Variants in KIF27 observed in about 807,000 individuals in gnomAD.
KIF27 encodes the protein kinesin family member 27.
Under a neutral mutation model 141.8 loss-of-function variants are expected in KIF27, and 84 were observed. The observed-to-expected ratio is 0.59, with a 90% CI of 0.50 to 0.71. The LOEUF (loss-of-function observed/expected upper bound fraction) is 0.71, where lower values mean the gene tolerates loss of function less well. KIF27 is among the 30% of genes least tolerant of loss of function. The pLI, the probability that KIF27 is intolerant of heterozygous loss-of-function variation, is 0.00. For missense variants in KIF27, 1,306 were observed against 1,628.4 expected (o/e 0.80, Z 3.41); for synonymous variants, 471 against 569.5 (o/e 0.83, Z 2.46).
chr9:83,889,901 T>G (rs192767719), intron 6 of KIF27, among the ~76,000 whole-genome samples: 1 of 152,306 alleles, frequency 6.6e-6, no homozygotes, highest in African/African-American at 2.4e-5. Flanking sequence ...GAAATGCACT[T>G]TAAATTCTCA....
intron 2 of KIF27, among the ~76,000 whole-genome samples, chr9:83,914,527 GAA>G (rs1390316474): frequency 1.3e-5 from 2 of 151,838 alleles, no homozygotes; most frequent in Middle Eastern, 3.4e-3. Context: ...AACAGCTAGA[GAA>G]AAAAGTTTCT....
intron 14 of KIF27, 145 bp from the exon 15 acceptor site, chr9:83,853,980 C>G (rs751379277): frequency 1.6e-6 from 1 of 634,792 alleles, no homozygotes; most frequent in African/African-American, 1.8e-5. Flanking sequence ...TGAGCGCTTG[C>G]TATGCCACAT....
intron 3 of KIF27, among the ~76,000 whole-genome samples, chr9:83,905,924 T>C (rs1954474246): frequency 6.6e-6 from 1 of 152,252 alleles, no homozygotes; most frequent in South Asian, 2.1e-4. Flanking sequence ...AGTGGGACAT[T>C]ATGTAAGACA....
At chr9:83,912,216 C>A (rs1955241127) in intron 2 of KIF27, among the ~76,000 whole-genome samples, 1 of 152,144 alleles carries the variant, frequency 6.6e-6, no homozygotes, top group Non-Finnish European at 1.5e-5. Context: ...GTATTCCAAG[C>A]AACAAAGAGT....
At chr9:83,915,703 A>G in intron 1 of KIF27, 25 bp from the exon 2 acceptor site, 1 of 1,042,488 alleles carries the variant, frequency 9.6e-7, no homozygotes, top group Non-Finnish European at 1.4e-6. Context: ...TAAAAAGCAA[A>G]TTTTAATTAC....
intron 14 of KIF27, among the ~76,000 whole-genome samples, chr9:83,856,482 C>G (rs1451986282): frequency 6.6e-6 from 1 of 151,932 alleles, no homozygotes; most frequent in African/African-American, 2.4e-5. Flanking sequence ...GTGGCTCACA[C>G]CTGTAATCCC....
At position 83,891,436 on chromosome 9, in the gene KIF27, G is replaced by T; in HGVS notation, c.1668C>A (p.Asn556Lys). ...CTTTAGCTGAAGAAGTCACTGACAG[G>T]TTAAGTTTTGTTAGTTCTTCACTCA... ...DQLSEELTKL[N>K]LSVTSSAKEN... Residue 556 changes from asparagine (N) to lysine (K), a missense_variant, in exon 6 of 18, where the codon AAC (asparagine) becomes AAA (lysine). Transcript: ENST00000297814. 6.2e-7 allele frequency: 1 copy of T among 1,613,790 alleles called. No individual in the cohort carries two copies. Among genetic ancestry groups the T allele is most frequent in the Non-Finnish European group, 8.5e-7 (1 of 1,179,828 alleles).
chr9:83,861,266 G>A (rs970621307), intron 13 of KIF27, among the ~76,000 whole-genome samples: 58 of 151,896 alleles, frequency 3.8e-4, no homozygotes, highest in Admixed American at 1.7e-3. Context: ...GGCCATGTTG[G>A]TGTGCTGCAC....
At chr9:83,917,049 T>C (rs976696194) in intron 1 of KIF27, among the ~76,000 whole-genome samples, 7 of 152,020 alleles carry the variant, frequency 4.6e-5, no homozygotes, top group African/African-American at 1.7e-4. Context: ...TTGTTACATA[T>C]GTATACATGT....
intron 10 of KIF27, among the ~76,000 whole-genome samples, chr9:83,882,176 A>C (rs1221347862): frequency 6.6e-6 from 1 of 152,120 alleles, no homozygotes; most frequent in East Asian, 1.9e-4. Context: ...CAGCCTGTCC[A>C]ATGTGGTGAA....
At chr9:83,906,433 T>G (rs1954540575) in intron 3 of KIF27, among the ~76,000 whole-genome samples, 1 of 152,096 alleles carries the variant, frequency 6.6e-6, no homozygotes, top group African/African-American at 2.4e-5. Flanking sequence ...AATATGGTTT[T>G]TAGGGGAAGA....
At chr9:83,864,319 A>C (rs756689904) in intron 13 of KIF27, among the ~76,000 whole-genome samples, 89 of 152,214 alleles carry the variant, frequency 5.8e-4, no homozygotes, top group Non-Finnish European at 1.1e-3. Context: ...TTAGTGCTAT[A>C]AATTTCCCTC....
intron 5 of KIF27, among the ~76,000 whole-genome samples, chr9:83,895,680 A>T (rs1451126716): frequency 1.3e-5 from 2 of 152,134 alleles, no homozygotes; most frequent in African/African-American, 4.8e-5. Context: ...ATTATAAAGG[A>T]AGAAATGAAA....
At chr9:83,891,524 T>A (rs1236379174) in intron 5 of KIF27, 23 bp from the exon 6 acceptor site, 24 of 1,581,020 alleles carry the variant, frequency 1.5e-5, no homozygotes, top group African/African-American at 2.7e-5. Context: ...GAGATGAAAA[T>A]TTTTAATATA....
chr9:83,861,731 G>C (rs9776708), intron 13 of KIF27, among the ~76,000 whole-genome samples: 100,298 of 149,350 alleles, frequency 0.67, 34,442 homozygotes, highest in African/African-American at 0.8. Flanking sequence ...ATTTCTAGTT[G>C]TAGATCCTTG....
intron 14 of KIF27, among the ~76,000 whole-genome samples, chr9:83,854,088 G>A (rs2780148): frequency 2.6e-5 from 4 of 152,210 alleles, no homozygotes; most frequent in African/African-American, 9.6e-5. Flanking sequence ...ACCTGATGGA[G>A]TAAAATGGAA....
In KIF27 at chr9:83,848,345, G is replaced by GTATCTATATA. The variant is rs1205231391; in HGVS notation, c.3556+1744_3556+1753dup. Among the ~76,000 whole-genome samples, 14 of 124,926 alleles carry GTATCTATATA rather than the reference G, an allele frequency of 1.1e-4. 1 individual carries two copies. In the South Asian group the frequency reaches 1.7e-3, roughly 15 times the overall value. The allele number at this position is 124,926 out of a possible 152,430, so 82.0% of individuals were successfully genotyped here. A position where few individuals can be genotyped will look rare whatever the true frequency, so the allele number is the denominator to read the frequency against. ...TATCTATATATCTATATATATCTATGTATCTATATATATCTACATATATCT... is the reference window on the plus strand; with the variant it reads ...TATCTATATATCTATATATATCTATGTATCTATATATATCTATATATATCTACATATATCT... On this transcript the variant is annotated intron_variant, in intron 16 of 17. Coordinates refer to ENST00000297814, the MANE Select transcript of KIF27 (RefSeq NM_017576.4).
intron 16 of KIF27, among the ~76,000 whole-genome samples, chr9:83,844,325 G>C (rs1946953661): frequency 6.6e-6 from 1 of 150,694 alleles, no homozygotes; most frequent in Non-Finnish European, 1.5e-5. Flanking sequence ...TAGATATATA[G>C]ATAGCTATAT....
At chr9:83,918,850 AG>A (rs1955967515) in intron 1 of KIF27, among the ~76,000 whole-genome samples, 1 of 152,088 alleles carries the variant, frequency 6.6e-6, no homozygotes. Flanking sequence ...CCGAGGTGGG[AG>A]GATCACCTGA....
Sources: allele counts gnomAD v4.1 joint callset (sites outside exome capture counted in the v4.1 genomes callset), GRCh38; gene constraint gnomAD v4.1.1; transcripts MANE v1.5; gene names NCBI Gene and HGNC (gene_info 2026-07-23, HGNC 2026-07-21).